Variants in SLC31A2 observed in about 807,000 individuals in gnomAD.
The protein encoded by SLC31A2 is solute carrier family 31 member 2, also known as protein SLC31A2.
A neutral mutation model predicts 14.4 loss-of-function variants in SLC31A2; 16 were observed. That is an observed-to-expected ratio of 1.11 (90% CI 0.75 to 1.69). The LOEUF (loss-of-function observed/expected upper bound fraction) is 1.69, where lower values mean the gene tolerates loss of function less well. SLC31A2 is among the 40% of genes most tolerant of loss of function. SLC31A2 has a pLI of 0.00. For synonymous variants in SLC31A2, 56 were observed against 68.7 expected (o/e 0.82, Z 0.91); for missense variants, 140 against 173.9 (o/e 0.81, Z 1.10).
chr9:113,151,011 T>A lies in SLC31A2; in HGVS notation c.-64T>A. Reference sequence around the variant, plus strand: ...GCGGCGGCGGCGGCGGCGGTTGAACTGACTCGGAGCGAGGAGACCCGAGCG... The same window carrying A: ...GCGGCGGCGGCGGCGGCGGTTGAACAGACTCGGAGCGAGGAGACCCGAGCG... On this transcript the variant is annotated 5_prime_UTR_variant, in exon 1 of 4. Coordinates refer to ENST00000259392, the MANE Select transcript of SLC31A2 (RefSeq NM_001860.3). The surrounding 1 kb of genome is among the most constrained non-coding windows in gnomAD (Gnocchi z 4.2). 3.9e-6 allele frequency: 5 copies of A among 1,288,854 alleles called. No homozygotes were observed. The highest frequency in any genetic ancestry group is 4.9e-6 in the Non-Finnish European group (5 of 1,013,832). The allele number at this position is 1,288,854 out of a possible 1,614,324, so 79.8% of individuals were successfully genotyped here.
intron 1 of SLC31A2, among the ~76,000 whole-genome samples, chr9:113,152,542 T>C (rs994247824): frequency 2.6e-5 from 4 of 152,148 alleles, no homozygotes; most frequent in Admixed American, 2.0e-4. Flanking sequence ...AGCCAACTGC[T>C]CTCTGGCCAG....
At chr9:113,161,864 GTC>G in intron 3 of SLC31A2, 166 bp downstream of exon 3, 1 of 754,230 alleles carries the variant, frequency 1.3e-6, no homozygotes, top group Non-Finnish European at 2.3e-6. Context: ...TAGAGCTCAT[GTC>G]TCCTGATGCC....
chr9:113,151,440 G>C lies in SLC31A2; in HGVS notation c.6+360G>C, dbSNP rs890477894. 6.6e-6 allele frequency among the ~76,000 whole-genome samples: 1 copy of C among 152,066 alleles called. No individual in the cohort carries two copies. Among genetic ancestry groups the C allele is most frequent in the South Asian group, 2.1e-4 (1 of 4,826 alleles). ...GCCCCAGGGCGGAGAGCAGCGCCTT[G>C]GGAGATTCCAGGAAGGCTTCCACGA... On this transcript the variant is annotated intron_variant, in intron 1 of 3. Transcript: ENST00000259392. This position sits in a 1 kb window ranked among gnomAD's most constrained non-coding sequence, Gnocchi z 4.2.
At chr9:113,156,585 A>T (rs912193376) in intron 1 of SLC31A2, among the ~76,000 whole-genome samples, 1 of 152,184 alleles carries the variant, frequency 6.6e-6, no homozygotes, top group South Asian at 2.1e-4. Context: ...GGCTTCCACT[A>T]GCTGATTACA....
At chr9:113,162,300 G>T (rs547339276) in intron 3 of SLC31A2, 2 of 228,736 alleles carry the variant, frequency 8.7e-6, no homozygotes, top group African/African-American at 2.4e-5. Context: ...GGAATCTTAC[G>T]TTCAGAGAGG....
At chr9:113,154,930 G>A (rs918200598) in intron 1 of SLC31A2, among the ~76,000 whole-genome samples, 8 of 152,146 alleles carry the variant, frequency 5.3e-5, no homozygotes, top group South Asian at 2.1e-4. Flanking sequence ...AACATCCTTC[G>A]GGGGCTAAGC....
At chr9:113,159,537 C>G (rs1829978976) in intron 2 of SLC31A2, among the ~76,000 whole-genome samples, 1 of 152,152 alleles carries the variant, frequency 6.6e-6, no homozygotes, top group Admixed American at 6.5e-5. Flanking sequence ...AGATGATTTC[C>G]TCCTGGGAGC....
At chr9:113,160,920 T>C (rs1830002727) in intron 2 of SLC31A2, 2 of 152,342 alleles carry the variant, frequency 1.3e-5, no homozygotes, top group Admixed American at 6.5e-5. Flanking sequence ...TAAAATACTT[T>C]AGCTGGACCA....
Position 113,155,957 on chromosome 9 carries a change from G to T in SLC31A2, c.7-1770G>T, listed in dbSNP as rs775541790. Reference sequence around the variant, plus strand: ...CTACTATTCTTTACTATCTCCTTTGGTCCTAACTGTTGAGAGGGGGAGGAT... The same window carrying T: ...CTACTATTCTTTACTATCTCCTTTGTTCCTAACTGTTGAGAGGGGGAGGAT... On this transcript the variant is annotated intron_variant, in intron 1 of 3. Transcript: ENST00000259392. 5 of 497,208 alleles carry T rather than the reference G, an allele frequency of 1.0e-5. No homozygotes were observed. In the Admixed American group the frequency reaches 1.0e-4, roughly 10 times the overall value. The allele number at this position is 497,208 out of a possible 1,614,324, so 30.8% of individuals were successfully genotyped here. A position where few individuals can be genotyped will look rare whatever the true frequency, so the allele number is the denominator to read the frequency against.
chr9:113,161,799 G>A (rs1272965649), intron 3 of SLC31A2, 101 bp downstream of exon 3: 8 of 1,326,686 alleles, frequency 6.0e-6, no homozygotes, highest in South Asian at 2.4e-5. Context: ...AGAGGACAGC[G>A]AGGCCCAGGG....
At chr9:113,157,832 C>A in intron 2 of SLC31A2, 39 bp downstream of exon 2, 3 of 1,497,538 alleles carry the variant, frequency 2.0e-6, no homozygotes, top group Non-Finnish European at 2.8e-6. Flanking sequence ...CTTGGAAAGC[C>A]TTGTAGTACT....
At position 113,151,247 on chromosome 9, in the gene SLC31A2, A is replaced by G. The variant is rs529847685; in HGVS notation, c.6+167A>G. On this transcript the variant is annotated intron_variant, in intron 1 of 3. Transcript: ENST00000259392. The surrounding 1 kb of genome is among the most constrained non-coding windows in gnomAD (Gnocchi z 4.2). ...CAGGGTTGGGGGACGCGGCAGGTAT[A>G]GGTTGCGGTGGCTCTGTGGTTTTCC... Among the ~76,000 whole-genome samples the G allele has an allele frequency of 6.6e-6, 1 of 152,168 alleles. No individual in the cohort carries two copies. The highest frequency in any genetic ancestry group is 2.4e-5 in the African/African-American group (1 of 41,532).
chr9:113,160,084 A>G (rs904254218), intron 2 of SLC31A2, among the ~76,000 whole-genome samples: 1 of 152,132 alleles, frequency 6.6e-6, no homozygotes, highest in Non-Finnish European at 1.5e-5. Context: ...GGCTGAGGCA[A>G]GATAATTGCT....
intron 1 of SLC31A2, chr9:113,152,098 A>C (rs1829874905): frequency 6.6e-6 from 1 of 152,272 alleles, no homozygotes; most frequent in Non-Finnish European, 1.5e-5. Flanking sequence ...TCTCCTTCCC[A>C]ACCCTTGTTT....
intron 2 of SLC31A2, 173 bp downstream of exon 2, chr9:113,157,966 G>C (rs1829955650): frequency 1.4e-6 from 1 of 690,732 alleles, no homozygotes; most frequent in Non-Finnish European, 2.7e-6. Context: ...CTCCCCTTCA[G>C]ATCGCAAAGG....
chr9:113,157,630 C>A, intron 1 of SLC31A2, 97 bp from the exon 2 acceptor site: 1 of 995,798 alleles, frequency 1.0e-6, no homozygotes, highest in Non-Finnish European at 1.5e-6. Context: ...CCAGTGACCC[C>A]ATTTTTCTGG....
chr9:113,155,821 CTT>C (rs759986633), intron 1 of SLC31A2, among the ~76,000 whole-genome samples: 2 of 152,150 alleles, frequency 1.3e-5, no homozygotes, highest in Non-Finnish European at 2.9e-5. Context: ...CTGTGTGTCA[CTT>C]TGTGTGGATG....
In SLC31A2 at chr9:113,163,185, G is replaced by A. The variant is rs1429475675; in HGVS notation, c.*268G>A. On this transcript the variant is annotated 3_prime_UTR_variant, in exon 4 of 4. Transcript: ENST00000259392. ...CCAAAGGGAGAATGGAGATAACAGG[G>A]GTGGCAGGGTTACTGAGCCCATGAC... The A allele has an allele frequency of 4.2e-5, 12 of 285,842 alleles. No individual in the cohort carries two copies. In the East Asian group the frequency reaches 7.6e-4, roughly 18 times the overall value. The allele number at this position is 285,842 out of a possible 1,614,324, so 17.7% of individuals were successfully genotyped here. A position where few individuals can be genotyped will look rare whatever the true frequency, so the allele number is the denominator to read the frequency against.
rs1250933554 is a variant in SLC31A2, at chr9:113,151,045, C to T, written c.-30C>T. On this transcript the variant is annotated 5_prime_UTR_variant, in exon 1 of 4. Coordinates refer to ENST00000259392, the MANE Select transcript of SLC31A2 (RefSeq NM_001860.3). The surrounding 1 kb of genome is among the most constrained non-coding windows in gnomAD (Gnocchi z 4.2). Reference sequence around the variant, plus strand: ...GCGAGGAGACCCGAGCGAGCAGACGCGGCCCTGGCGCCCGCCCTGCGCACT... The same window carrying T: ...GCGAGGAGACCCGAGCGAGCAGACGTGGCCCTGGCGCCCGCCCTGCGCACT... The T allele has an allele frequency of 3.1e-6, 4 of 1,303,284 alleles. No individual in the cohort carries two copies. Among genetic ancestry groups the T allele is most frequent in the African/African-American group, 1.5e-5 (1 of 66,026 alleles). 80.7% of individuals were successfully genotyped at this position (1,303,284 alleles called of 1,614,324 possible).
Sources: allele counts gnomAD v4.1 joint callset (sites outside exome capture counted in the v4.1 genomes callset), GRCh38; gene constraint gnomAD v4.1.1; non-coding constraint Gnocchi (gnomAD v3.1); transcripts MANE v1.5; gene names NCBI Gene and HGNC (gene_info 2026-07-23, HGNC 2026-07-21).